Variants in DOCK9 observed in about 807,000 individuals in gnomAD.
DOCK9 encodes dedicator of cytokinesis 9.
DOCK9 carries 89 observed loss-of-function variants against 263.3 expected under a neutral mutation model. That is an observed-to-expected ratio of 0.34 (90% CI 0.28 to 0.40). The LOEUF is 0.40. DOCK9 is among the 10% of genes least tolerant of loss of function. The pLI is 1.00. For synonymous variants in DOCK9, 976 were observed against 973.1 expected, an observed-to-expected ratio of 1.00 and a Z score of -0.06; for missense variants, 2,140 against 2,603.4, an observed-to-expected ratio of 0.82 and a Z score of 3.87.
intron 45 of DOCK9, among the ~76,000 whole-genome samples, chr13:98,817,186 G>A (rs148607889): frequency 4.8e-4 from 73 of 152,232 alleles, no homozygotes; most frequent in Non-Finnish European, 9.4e-4. Context: ...CAGAATTTAT[G>A]GGTGGTCTCC....
rs745396818 is a variant in DOCK9 at position 98,829,262 on chromosome 13, C to T, written c.4965+45G>A. 7 of 1,546,834 alleles carry T rather than the reference C, an allele frequency of 4.5e-6. No homozygotes were observed. In the Middle Eastern group the frequency reaches 5.1e-4, roughly 112 times the overall value. On this transcript the variant is annotated intron_variant, in intron 43 of 52. Coordinates refer to ENST00000682017, the MANE Select transcript of DOCK9 (RefSeq NM_001366683.2). This position sits in a 1 kb window ranked among gnomAD's most constrained non-coding sequence, Gnocchi z 4.1. ...GGCTTTTTAAGTGAATGGGGCCTCA[C>T]TGGTTTTTTCAAAAACCCATTCAAG...
chr13:98,938,656 A>C (rs1281764061), intron 2 of DOCK9, among the ~76,000 whole-genome samples: 1 of 152,250 alleles, frequency 6.6e-6, no homozygotes, highest in Non-Finnish European at 1.5e-5. Flanking sequence ...TATAAGAGTG[A>C]GTATTAACAA....
At chr13:98,868,095 A>C in intron 28 of DOCK9, 84 bp from the exon 29 acceptor site, 2 of 1,536,748 alleles carry the variant, frequency 1.3e-6, no homozygotes, top group Non-Finnish European at 1.8e-6. Flanking sequence ...ATTGCTAATA[A>C]GTTTATCCAC....
At chr13:98,815,914 C>T (rs1398112100) in intron 45 of DOCK9, among the ~76,000 whole-genome samples, 7 of 152,298 alleles carry the variant, frequency 4.6e-5, no homozygotes, top group East Asian at 1.9e-4. Context: ...CTTAACTCCA[C>T]GCCATACCAG....
chr13:98,867,863 A>T lies in DOCK9; in HGVS notation c.3174+65T>A, dbSNP rs947837282. The T allele has an allele frequency of 4.2e-6, 6 of 1,436,632 alleles. No homozygotes were observed. In the African/African-American group the frequency reaches 8.7e-5, roughly 21 times the overall value. The allele number at this position is 1,436,632 out of a possible 1,614,324, so 89.0% of individuals were successfully genotyped here. ...AGAGCTTTAAAAAAAAAAAAGGAAA[A>T]AGATAATTCTACCAGAGAAAGGCTA... On this transcript the variant is annotated intron_variant, in intron 29 of 52. Coordinates refer to ENST00000682017, the MANE Select transcript of DOCK9 (RefSeq NM_001366683.2).
rs146550093 is a variant in DOCK9 at position 98,864,431 on chromosome 13, T to C, written c.3287-883A>G. Among the ~76,000 whole-genome samples, 818 of 152,274 alleles carry C rather than the reference T, an allele frequency of 5.4e-3. 6 individuals are homozygous for C. Among genetic ancestry groups the C allele is most frequent in the Non-Finnish European group, 8.6e-3 (584 of 68,032 alleles). Reference sequence around the variant, plus strand: ...CTGACTCCATTATTAAAGGAAAGTCTATAGACCTCTCCCTTTGCCTTTTGT... The same window carrying C: ...CTGACTCCATTATTAAAGGAAAGTCCATAGACCTCTCCCTTTGCCTTTTGT... On this transcript the variant is annotated intron_variant, in intron 30 of 52. Coordinates refer to ENST00000682017, the MANE Select transcript of DOCK9 (RefSeq NM_001366683.2).
At chr13:98,936,268 C>T (rs1249156043) in intron 2 of DOCK9, among the ~76,000 whole-genome samples, 1 of 152,120 alleles carries the variant, frequency 6.6e-6, no homozygotes, top group Non-Finnish European at 1.5e-5. Flanking sequence ...ACATGCCCTT[C>T]TTTACCCCAC....
intron 48 of DOCK9, 98 bp downstream of exon 48, chr13:98,807,563 T>A: frequency 1.7e-6 from 2 of 1,156,618 alleles, no homozygotes; most frequent in South Asian, 3.0e-5. Context: ...ATCCTTAATA[T>A]TTTTCTTGTG....
chr13:98,932,288 G>A (rs1172416628), intron 2 of DOCK9, among the ~76,000 whole-genome samples: 1 of 152,012 alleles, frequency 6.6e-6, no homozygotes, highest in African/African-American at 2.4e-5. Context: ...CCAGCTACTC[G>A]GGAGGCTGAT....
intron 1 of DOCK9, among the ~76,000 whole-genome samples, chr13:99,060,485 G>C (rs1394380318): frequency 1.3e-5 from 2 of 152,142 alleles, no homozygotes; most frequent in Non-Finnish European, 2.9e-5. Context: ...ACTAGGAGTG[G>C]AACTGCTGGG....
chr13:99,074,517 G>A (rs2041827020), intron 1 of DOCK9, among the ~76,000 whole-genome samples: 1 of 152,188 alleles, frequency 6.6e-6, no homozygotes, highest in Admixed American at 6.5e-5. Flanking sequence ...ACATGAATAT[G>A]AGACTTCGGG....
intron 49 of DOCK9, among the ~76,000 whole-genome samples, chr13:98,804,582 C>T (rs1365747307): frequency 7.7e-6 from 1 of 129,384 alleles, no homozygotes; most frequent in Admixed American, 7.3e-5. Context: ...CAGCCTGAGA[C>T]CGCTGAGCAG....
chr13:98,920,007 G>A (rs2051634757), intron 7 of DOCK9, among the ~76,000 whole-genome samples: 1 of 152,198 alleles, frequency 6.6e-6, no homozygotes, highest in Non-Finnish European at 1.5e-5. Context: ...TGGCAAGGCT[G>A]GATGAATGGA....
At chr13:99,087,863 T>C (rs1927568), upstream of DOCK9, 42,652 of 152,086 alleles carry the variant, frequency 0.28, 6,359 homozygotes, top group East Asian at 0.43. Context: ...CCGCAGAGAG[T>C]GGTGGTCTTG....
At chr13:98,846,105 T>C (rs1380955148) in intron 37 of DOCK9, 45 bp from the exon 38 acceptor site, 1 of 1,546,860 alleles carries the variant, frequency 6.5e-7, no homozygotes, top group East Asian at 2.5e-5. Flanking sequence ...TTAGACGTGT[T>C]ACACTGCAGC....
At chr13:98,978,518 G>A (rs190334043), upstream of DOCK9, among the ~76,000 whole-genome samples, 53 of 152,288 alleles carry the variant, frequency 3.5e-4, no homozygotes, top group African/African-American at 6.0e-4. Flanking sequence ...GTTTCACCCC[G>A]CATGACAGAC....
At chr13:98,943,058 T>C (rs746597696) in intron 2 of DOCK9, among the ~76,000 whole-genome samples, 26 of 152,234 alleles carry the variant, frequency 1.7e-4, no homozygotes, top group Non-Finnish European at 3.4e-4. Context: ...ATCATCCATA[T>C]GTAAGGTTTC....
intron 1 of DOCK9, among the ~76,000 whole-genome samples, chr13:98,995,788 G>A (rs745502099): frequency 3.3e-5 from 5 of 152,170 alleles, no homozygotes; most frequent in South Asian, 2.1e-4. Context: ...GCGCCCGGCC[G>A]GAAGATACTT....
intron 9 of DOCK9, 76 bp downstream of exon 9, chr13:98,914,252 A>G: frequency 7.8e-7 from 1 of 1,281,918 alleles, no homozygotes; most frequent in Non-Finnish European, 1.1e-6. Context: ...AACAGATTCC[A>G]TTCTGGACAA....
Sources: gnomAD v4.1 joint callset for allele counts (sites outside exome capture counted in the v4.1 genomes callset) on GRCh38, gnomAD v4.1.1 for gene constraint, Gnocchi (gnomAD v3.1) non-coding constraint, MANE v1.5 for transcripts, NCBI Gene and HGNC (gene_info 2026-07-23, HGNC 2026-07-21) for gene names.